MSRA: variants seen among roughly 807,000 people sequenced by gnomAD.
The protein encoded by MSRA is methionine sulfoxide reductase A.
Under a neutral mutation model 31.3 loss-of-function variants are expected in MSRA, and 54 were observed. The ratio of observed to expected loss-of-function variants is 1.73; its 90% CI spans 1.39 to 2.17. The LOEUF is 2.17. MSRA is among the 30% of genes most tolerant of loss of function. The probability of loss-of-function intolerance (pLI) is 0.00; values close to 1 mark genes in which losing one functional copy is unlikely to be tolerated. For synonymous variants in MSRA, 169 were observed against 116.5 expected (o/e 1.45, Z -2.90); for missense variants, 507 against 300.9 (o/e 1.69, Z -5.07).
chr8:10,262,291 A>G (rs552926659), intron 3 of MSRA, among the ~76,000 whole-genome samples: 3 of 152,374 alleles, frequency 2.0e-5, no homozygotes, highest in Non-Finnish European at 2.9e-5. Context: ...TAGCTTTGCC[A>G]TAAATTGTCA....
chr8:10,106,316 A>G (rs536374502), intron 1 of MSRA, among the ~76,000 whole-genome samples: 1 of 152,274 alleles, frequency 6.6e-6, no homozygotes, highest in East Asian at 1.9e-4. Flanking sequence ...CCTTCAGCAT[A>G]TAGGAACCAG....
chr8:10,423,548 C>G lies in MSRA; in HGVS notation c.544-4600C>G, dbSNP rs192670839. Among the ~76,000 whole-genome samples the G allele has an allele frequency of 7.2e-3, 1,096 of 152,216 alleles. 11 individuals carry two copies. Among genetic ancestry groups the G allele is most frequent in the African/African-American group, 0.025 (1,023 of 41,520 alleles). On this transcript the variant is annotated intron_variant, in intron 5 of 5. Coordinates refer to ENST00000317173, the MANE Select transcript of MSRA (RefSeq NM_012331.5). Reference sequence around the variant, plus strand: ...GTGGCAGCAGAGGAACCATCTGTAACCCAGAGGTGACAGTCTTCGTCCCCT... The same window carrying G: ...GTGGCAGCAGAGGAACCATCTGTAAGCCAGAGGTGACAGTCTTCGTCCCCT...
At chr8:10,195,305 A>G (rs1158395675) in intron 1 of MSRA, among the ~76,000 whole-genome samples, 1 of 152,220 alleles carries the variant, frequency 6.6e-6, no homozygotes, top group Non-Finnish European at 1.5e-5. Context: ...CAGTGGCACA[A>G]TCTCGGCTCA....
At chr8:10,397,992 G>C (rs1807207208) in intron 5 of MSRA, among the ~76,000 whole-genome samples, 1 of 152,158 alleles carries the variant, frequency 6.6e-6, no homozygotes, top group African/African-American at 2.4e-5. Context: ...CAATATAAAA[G>C]GTGGCATTGA....
intron 3 of MSRA, among the ~76,000 whole-genome samples, chr8:10,287,549 G>A (rs1378774410): frequency 6.6e-6 from 1 of 152,206 alleles, no homozygotes; most frequent in South Asian, 2.1e-4. Context: ...AAGTCCAGAA[G>A]TGGGGCCTCT....
chr8:10,146,888 G>C (rs1803190555), intron 1 of MSRA, among the ~76,000 whole-genome samples: 3 of 152,208 alleles, frequency 2.0e-5, no homozygotes, highest in East Asian at 3.9e-4. Context: ...AAACCTATTT[G>C]CAAAAGGGAG....
At chr8:10,122,926 C>T (rs893106271) in intron 1 of MSRA, among the ~76,000 whole-genome samples, 1 of 152,142 alleles carries the variant, frequency 6.6e-6, no homozygotes, top group Admixed American at 6.5e-5. Flanking sequence ...TTTCTTTTTA[C>T]ATTCTGTCAT....
chr8:10,296,840 C>G (rs1189946909), intron 3 of MSRA, among the ~76,000 whole-genome samples: 3 of 152,156 alleles, frequency 2.0e-5, no homozygotes, highest in African/African-American at 7.2e-5. Flanking sequence ...AGCAGCAGAG[C>G]CAGGAGGCCA....
intron 5 of MSRA, among the ~76,000 whole-genome samples, chr8:10,367,676 C>T (rs909771078): frequency 4.6e-5 from 7 of 152,224 alleles, no homozygotes; most frequent in African/African-American, 1.7e-4. Flanking sequence ...GTAGCAGAGG[C>T]AGATAGGAAC....
In MSRA at chr8:10,428,792, G is replaced by A; in HGVS notation, c.*480G>A. On this transcript the variant is annotated 3_prime_UTR_variant, in exon 6 of 6. Transcript: ENST00000317173. ...TCTCTCCCTTTTCAGCCCTCTCTGT[G>A]CAGAGAAAAGATGTGAGTCCGCTTG... 1 of 165,946 alleles carries A rather than the reference G, an allele frequency of 6.0e-6. No individual in the cohort carries two copies. Among genetic ancestry groups the A allele is most frequent in the Non-Finnish European group, 1.3e-5 (1 of 78,254 alleles). The allele number at this position is 165,946 out of a possible 1,614,324, so 10.3% of individuals were successfully genotyped here.
intron 2 of MSRA, among the ~76,000 whole-genome samples, chr8:10,227,136 G>A (rs570231558): frequency 6.6e-6 from 1 of 152,200 alleles, no homozygotes; most frequent in African/African-American, 2.4e-5. Context: ...ATAGTGAGTA[G>A]ATCCTAAAAT....
intron 1 of MSRA, among the ~76,000 whole-genome samples, chr8:10,089,143 CA>C (rs543216017): frequency 1.3e-5 from 2 of 150,320 alleles, no homozygotes; most frequent in Non-Finnish European, 3.0e-5. Context: ...TTGTCCCACA[CA>C]CACACACACA....
chr8:10,372,423 G>A (rs1044518598), intron 5 of MSRA, among the ~76,000 whole-genome samples: 2 of 152,176 alleles, frequency 1.3e-5, no homozygotes, highest in South Asian at 2.1e-4. Context: ...TAAAATGCTC[G>A]TGCATATATG....
chr8:10,379,734 G>T (rs115199401), intron 5 of MSRA, among the ~76,000 whole-genome samples: 1 of 152,224 alleles, frequency 6.6e-6, no homozygotes, highest in Admixed American at 6.5e-5. Context: ...TCCTAAGTAT[G>T]GGATGGCCAG....
chr8:10,397,373 C>A (rs1322137118), intron 5 of MSRA, among the ~76,000 whole-genome samples: 1 of 152,194 alleles, frequency 6.6e-6, no homozygotes, highest in Non-Finnish European at 1.5e-5. Context: ...GAAATGAAAG[C>A]AGCCAGAGAA....
At chr8:10,253,813 T>A (rs1013735351) in intron 3 of MSRA, among the ~76,000 whole-genome samples, 1 of 152,188 alleles carries the variant, frequency 6.6e-6, no homozygotes. Flanking sequence ...TACTTCATAA[T>A]GACTGACAAT....
intron 1 of MSRA, among the ~76,000 whole-genome samples, chr8:10,128,224 A>T (rs1418545881): frequency 6.6e-6 from 1 of 152,118 alleles, no homozygotes; most frequent in African/African-American, 2.4e-5. Flanking sequence ...CTAAAAATTC[A>T]AAACATTAGC....
At chr8:10,160,684 C>T (rs981256370) in intron 1 of MSRA, among the ~76,000 whole-genome samples, 13 of 152,018 alleles carry the variant, frequency 8.6e-5, no homozygotes, top group Admixed American at 2.6e-4. Context: ...TGACTGCTAC[C>T]ACACCTGGCT....
intron 1 of MSRA, among the ~76,000 whole-genome samples, chr8:10,142,521 A>G (rs1479366471): frequency 5.3e-5 from 8 of 152,352 alleles, no homozygotes; most frequent in East Asian, 1.9e-4. Context: ...TCAGAGCAGT[A>G]GCATTTCTGA....
Sources: allele counts gnomAD v4.1 joint callset (sites outside exome capture counted in the v4.1 genomes callset), GRCh38; gene constraint gnomAD v4.1.1; transcripts MANE v1.5; gene names NCBI Gene and HGNC (gene_info 2026-07-23, HGNC 2026-07-21).